Variants in CD101 observed in about 807,000 individuals in gnomAD.
The protein encoded by CD101 is immunoglobulin superfamily member 2.
Under a neutral mutation model 98.2 loss-of-function variants are expected in CD101, and 76 were observed. The ratio of observed to expected loss-of-function variants is 0.77; its 90% CI spans 0.64 to 0.94. The LOEUF is 0.94. CD101 is among the 40% of genes least tolerant of loss of function. CD101 has a pLI of 0.00. For missense variants in CD101, 1,145 were observed against 1,218.8 expected, an observed-to-expected ratio of 0.94 and a Z score of 0.90; for synonymous variants, 471 against 472.7, an observed-to-expected ratio of 1.00 and a Z score of 0.05.
rs745605914 is a variant in CD101, at chr1:117,017,321, A to G, written c.1460A>G (p.Glu487Gly). 9 of 1,614,260 alleles carry G rather than the reference A, an allele frequency of 5.6e-6. No individual in the cohort carries two copies. The highest frequency in any genetic ancestry group is 7.6e-6 in the Non-Finnish European group (9 of 1,180,046). The change falls in exon 5 of 10, where the codon GAG (glutamate) becomes GGG (glycine). Residue 487 changes from glutamate to glycine, a missense_variant. Physicochemically the swap from Glu to Gly is moderately conservative, Grantham distance 98. Coordinates refer to ENST00000682167, the MANE Select transcript of CD101 (RefSeq NM_001256106.3). ...VPSYHGNTRL[E>G]KMDWATFQLE... is the part of the protein sequence containing the mutation. ...AGTTACCATGGCAACACAAGGCTGG[A>G]GAAAATGGACTGGGCCACCTTCCAG...
chr1:117,034,335 A>G, intron 9 of CD101: 1 of 540,546 alleles, frequency 1.8e-6, no homozygotes, highest in South Asian at 2.1e-5. Flanking sequence ...AGATAGCATC[A>G]TTACCCTACA....
rs74317151 is a variant in CD101 at position 117,005,271 on chromosome 1, G to A, written c.43+3411G>A. Among the ~76,000 whole-genome samples, 45 of 151,788 alleles carry A rather than the reference G, an allele frequency of 3.0e-4. No individual in the cohort carries two copies. In the East Asian group the frequency reaches 7.2e-3, roughly 24 times the overall value. On this transcript the variant is annotated intron_variant, in intron 1 of 9. Coordinates refer to ENST00000682167, the MANE Select transcript of CD101 (RefSeq NM_001256106.3). The surrounding 1 kb of genome is among the most constrained non-coding windows in gnomAD (Gnocchi z 4.4). ...ATTCTCCATCCCACCCCTTCCTACCGCTCCTCACCTAGCTACTCTTTCTAG... is the reference window on the plus strand; with the variant it reads ...ATTCTCCATCCCACCCCTTCCTACCACTCCTCACCTAGCTACTCTTTCTAG...
At position 117,004,857 on chromosome 1, in the gene CD101, C is replaced by A. The variant is rs1405348513; in HGVS notation, c.43+2997C>A. Among the ~76,000 whole-genome samples the A allele has an allele frequency of 7.6e-6, 1 of 132,330 alleles. No individual in the cohort carries two copies. The highest frequency in any genetic ancestry group is 2.9e-5 in the African/African-American group (1 of 34,888). The allele number at this position is 132,330 out of a possible 152,430, so 86.8% of individuals were successfully genotyped here. On this transcript the variant is annotated intron_variant, in intron 1 of 9. Coordinates refer to ENST00000682167, the MANE Select transcript of CD101 (RefSeq NM_001256106.3). This position sits in a 1 kb window ranked among gnomAD's most constrained non-coding sequence, Gnocchi z 4.1. ...GTTTGGCGTGTTGTAGCAAAAGTAC[C>A]ATAAACTGGGGCGGGTGGGGGAGGG...
At chr1:117,002,471 A>G (rs1377634680) in intron 1 of CD101, among the ~76,000 whole-genome samples, 1 of 152,196 alleles carries the variant, frequency 6.6e-6, no homozygotes, top group Non-Finnish European at 1.5e-5. Flanking sequence ...AATAGGATGG[A>G]AGAAGAGAAA....
rs1382852324 is a variant in CD101 at position 117,017,146 on chromosome 1, A to T, written c.1285A>T (p.Thr429Ser). Residue 429 changes from threonine to serine, a missense_variant, in exon 5 of 10, where the codon ACA (threonine) becomes TCA (serine). Coordinates refer to ENST00000682167, the MANE Select transcript of CD101 (RefSeq NM_001256106.3). The part of the protein sequence containing the change: ...NKQQVVWEGE[T>S]LAFLCKAGGA... ...GCAGCAAGTTGTGTGGGAAGGAGAG[A>T]CACTCGCCTTTCTCTGTAAGGCTGG... 1.9e-6 allele frequency: 3 copies of T among 1,614,032 alleles called. No individual in the cohort carries two copies. Among genetic ancestry groups the T allele is most frequent in the Non-Finnish European group, 2.5e-6 (3 of 1,179,992 alleles).
rs1467460907 is a variant in CD101, at chr1:117,009,887, G to C, written c.81G>C (p.Gln27His). 1.2e-6 allele frequency: 2 copies of C among 1,612,538 alleles called. No homozygotes were observed. Among genetic ancestry groups the C allele is most frequent in the Admixed American group, 3.3e-5 (2 of 60,010 alleles). ...TTGGCCAGAGAGAAGTAACAGTTCAGAAAGGACCACTGTTTAGAGCTGAAG... is the reference window on the plus strand; with the variant it reads ...TTGGCCAGAGAGAAGTAACAGTTCACAAAGGACCACTGTTTAGAGCTGAAG... ...LSIGQREVTV[Q>H]KGPLFRAEGY... Residue 27 changes from glutamine to histidine, a missense_variant, in exon 2 of 10, where the codon CAG (glutamine) becomes CAC (histidine). By Grantham distance (24) the Gln-to-His change is conservative. Coordinates refer to ENST00000682167, the MANE Select transcript of CD101 (RefSeq NM_001256106.3).
chr1:117,001,774 T>G lies in CD101; in HGVS notation c.-44T>G. On this transcript the variant is annotated 5_prime_UTR_variant, in exon 1 of 10. The change abolishes an upstream ATG in the 5' untranslated region. Coordinates refer to ENST00000682167, the MANE Select transcript of CD101 (RefSeq NM_001256106.3). ...CAGCATTTGTCACTCAACCTCTGAA[T>G]GTTAGTGACACTATTGGGACGAAAA... 6.3e-7 allele frequency: 1 copy of G among 1,584,980 alleles called. No homozygotes were observed. Among genetic ancestry groups the G allele is most frequent in the East Asian group, 2.2e-5 (1 of 44,720 alleles).
At chr1:117,035,618 G>C (rs1306732567) in intron 9 of CD101, among the ~76,000 whole-genome samples, 1 of 149,588 alleles carries the variant, frequency 6.7e-6, no homozygotes, top group Non-Finnish European at 1.5e-5. Context: ...GGTGTGACCT[G>C]GGCTCACTGC....
intron 8 of CD101, among the ~76,000 whole-genome samples, chr1:117,030,666 G>A (rs988421027): frequency 6.6e-6 from 1 of 152,206 alleles, no homozygotes; most frequent in Non-Finnish European, 1.5e-5. Flanking sequence ...GAGCAGGCAC[G>A]TCTTCAGTTG....
intron 1 of CD101, among the ~76,000 whole-genome samples, chr1:117,003,426 TGGGTGAC>T (rs1168722118): frequency 2.6e-5 from 4 of 152,226 alleles, no homozygotes; most frequent in African/African-American, 9.6e-5. Context: ...GACCACTTGC[TGGGTGAC>T]GGATGCCTGC....
Position 117,018,373 on chromosome 1 carries a change from C to T in CD101, c.1830C>T (p.Phe610=), listed in dbSNP as rs1009026713. ...AATGGGGGAATTTCCTATCCCGGTT[C>T]CAAAAGAAGACGAAAGTGTCGCAGT... ...TIEWGNFLSR[F]QKKTKVSQSL... is the part of the protein sequence containing the mutation. Residue 610 remains phenylalanine, a synonymous_variant, in exon 6 of 10, where the codon TTC becomes TTT. Transcript: ENST00000682167. This position sits in a 1 kb window ranked among gnomAD's most constrained non-coding sequence, Gnocchi z 4.3. The T allele has an allele frequency of 6.2e-7, 1 of 1,614,134 alleles. No homozygotes were observed. The highest frequency in any genetic ancestry group is 1.3e-5 in the African/African-American group (1 of 75,024).
Position 117,006,549 on chromosome 1 carries a change from C to T in CD101, c.44-3301C>T, listed in dbSNP as rs1223156295. Among the ~76,000 whole-genome samples the T allele has an allele frequency of 1.3e-5, 2 of 152,094 alleles. No individual in the cohort carries two copies. Among genetic ancestry groups the T allele is most frequent in the African/African-American group, 4.8e-5 (2 of 41,422 alleles). On this transcript the variant is annotated intron_variant, in intron 1 of 9. Coordinates refer to ENST00000682167, the MANE Select transcript of CD101 (RefSeq NM_001256106.3). The surrounding 1 kb of genome is among the most constrained non-coding windows in gnomAD (Gnocchi z 4.4). Reference sequence around the variant, plus strand: ...GCCCTCCCCCATCCAGTTGATTACTCTTTAATTTTGAGTAAGTCTTTTGAT... The same window carrying T: ...GCCCTCCCCCATCCAGTTGATTACTTTTTAATTTTGAGTAAGTCTTTTGAT...
chr1:117,017,493 C>T lies in CD101; in HGVS notation c.1612+20C>T, dbSNP rs1340426912. 1.3e-6 allele frequency: 2 copies of T among 1,587,862 alleles called. No homozygotes were observed. ...CTCTGGGTAAGTGTCAAAGGAAGTC[C>T]TTTTCTGCACCTGTATATCACTCAA... On this transcript the variant is annotated intron_variant, in intron 5 of 9. Transcript: ENST00000682167.
chr1:117,016,589 T>G (rs1653231713), intron 4 of CD101, among the ~76,000 whole-genome samples: 1 of 152,204 alleles, frequency 6.6e-6, no homozygotes, highest in South Asian at 2.1e-4. Context: ...CTGGGTGCAG[T>G]GGCTCATGCC....
rs1654816878 is a variant in CD101, at chr1:117,036,201, C to T, written c.*67C>T. On this transcript the variant is annotated 3_prime_UTR_variant, in exon 10 of 10. Coordinates refer to ENST00000682167, the MANE Select transcript of CD101 (RefSeq NM_001256106.3). The surrounding 1 kb of genome is among the most constrained non-coding windows in gnomAD (Gnocchi z 5.0). ...CTTGCTGCCTGTTTCTTCCCAAGCC[C>T]CGTGTGGAATGTGGTGACCTAGTCA... 6.6e-6 allele frequency: 1 copy of T among 152,262 alleles called. No individual in the cohort carries two copies. 9.4% of individuals were successfully genotyped at this position (152,262 alleles called of 1,614,324 possible).
Position 117,001,880 on chromosome 1 carries a change from A to C in CD101, c.43+20A>C. ...TTCTGAGTAAGTTTCATAATCCTTT[A>C]TGTTTCTCTTGTCACAGGAGTTCAT... On this transcript the variant is annotated intron_variant, in intron 1 of 9. Transcript: ENST00000682167. 1 of 1,613,106 alleles carries C rather than the reference A, an allele frequency of 6.2e-7. No homozygotes were observed. Among genetic ancestry groups the C allele is most frequent in the South Asian group, 1.1e-5 (1 of 91,062 alleles).
intron 2 of CD101, among the ~76,000 whole-genome samples, chr1:117,011,229 GT>G (rs1652868037): frequency 6.6e-6 from 1 of 152,168 alleles, no homozygotes; most frequent in African/African-American, 2.4e-5. Context: ...AGAATCTAAG[GT>G]TTCTCTGTCC....
intron 1 of CD101, 23 bp downstream of exon 1, chr1:117,001,883 T>C (rs1443795519): frequency 1.2e-6 from 2 of 1,612,784 alleles, no homozygotes; most frequent in Middle Eastern, 1.7e-4. Flanking sequence ...ATCCTTTATG[T>C]TTCTCTTGTC....
chr1:117,034,125 G>C lies in CD101; in HGVS notation c.*24G>C, dbSNP rs537901434. 7 of 1,612,480 alleles carry C rather than the reference G, an allele frequency of 4.3e-6. No individual in the cohort carries two copies. In the East Asian group the frequency reaches 1.1e-4, roughly 26 times the overall value. On this transcript the variant is annotated 3_prime_UTR_variant, in exon 9 of 10. Coordinates refer to ENST00000682167, the MANE Select transcript of CD101 (RefSeq NM_001256106.3). ...GAATCCCAAGAGGCACCTGCAGCCA[G>C]GAAGGAAAGGTGGGGGCTTTTTAAT... is the stretch of plus-strand genomic sequence containing the variant.
Sources: gnomAD v4.1 joint callset for allele counts (sites outside exome capture counted in the v4.1 genomes callset) on GRCh38, gnomAD v4.1.1 for gene constraint, Gnocchi (gnomAD v3.1) non-coding constraint, MANE v1.5 for transcripts, NCBI Gene and HGNC (gene_info 2026-07-23, HGNC 2026-07-21) for gene names.